PLOD1: variants seen among roughly 807,000 people sequenced by gnomAD.
PLOD1 encodes procollagen-lysine,2-oxoglutarate 5-dioxygenase 1, also known as lysine hydroxylase.
PLOD1 carries 70 observed loss-of-function variants against 94.7 expected under a neutral mutation model. The ratio of observed to expected loss-of-function variants is 0.74; its 90% CI spans 0.61 to 0.90. The LOEUF (loss-of-function observed/expected upper bound fraction) is 0.90, where lower values mean the gene tolerates loss of function less well. Among genes scored for constraint, PLOD1 ranks in the 40% least tolerant of loss-of-function variants. PLOD1 has a pLI of 0.00. For synonymous variants in PLOD1, 417 were observed against 400.2 expected, an observed-to-expected ratio of 1.04 and a Z score of -0.50; for missense variants, 905 against 972.7, an observed-to-expected ratio of 0.93 and a Z score of 0.93.
intron 5 of PLOD1, 150 bp downstream of exon 5, chr1:11,952,885 C>T: frequency 1.6e-6 from 1 of 621,050 alleles, no homozygotes; most frequent in Admixed American, 2.4e-5. Flanking sequence ...GGGTGGCTCC[C>T]AAACAACGGA....
At chr1:11,951,176 G>A (rs533516656) in intron 4 of PLOD1, among the ~76,000 whole-genome samples, 86 of 152,280 alleles carry the variant, frequency 5.6e-4, no homozygotes, top group Admixed American at 2.5e-3. Context: ...CTGGGCTCCT[G>A]GCCGTTGGTA....
At position 11,963,214 on chromosome 1, in the gene PLOD1, C is replaced by T. The variant is rs1645791148; in HGVS notation, c.1098-318C>T. On this transcript the variant is annotated intron_variant, in intron 10 of 18. Coordinates refer to ENST00000196061, the MANE Select transcript of PLOD1 (RefSeq NM_000302.4). The surrounding 1 kb of genome is among the most constrained non-coding windows in gnomAD (Gnocchi z 4.3). ...TTTTTAAGGCTTTTGGTACAAGTTA[C>T]CAAATTGCATTTCAGAAAGGCAGCC... Among the ~76,000 whole-genome samples the T allele has an allele frequency of 6.6e-6, 1 of 152,176 alleles. No individual in the cohort carries two copies. Among genetic ancestry groups the T allele is most frequent in the Non-Finnish European group, 1.5e-5 (1 of 68,030 alleles).
rs1262109493 is a variant in PLOD1, at chr1:11,970,711, T to G, written c.1797T>G (p.Ile599Met). ...GTGGCTACGAGAACGTGCCGACTATTGACATCCACATGAACCAGATCGGCT... is the reference window on the plus strand; with the variant it reads ...GTGGCTACGAGAACGTGCCGACTATGGACATCCACATGAACCAGATCGGCT... ...IQGGYENVPT[I>M]DIHMNQIGFE... Residue 599 changes from isoleucine to methionine, a missense_variant, in exon 17 of 19, where the codon ATT (isoleucine) becomes ATG (methionine). Coordinates refer to ENST00000196061, the MANE Select transcript of PLOD1 (RefSeq NM_000302.4). 3.7e-6 allele frequency: 6 copies of G among 1,613,034 alleles called. No individual in the cohort carries two copies. The highest frequency in any genetic ancestry group is 5.1e-6 in the Non-Finnish European group (6 of 1,179,882).
At chr1:11,938,593 G>A (rs1050911908) in intron 1 of PLOD1, among the ~76,000 whole-genome samples, 3 of 152,156 alleles carry the variant, frequency 2.0e-5, no homozygotes, top group African/African-American at 4.8e-5. Flanking sequence ...GGGTACCCCA[G>A]CAGCCCCCAA....
chr1:11,974,191 T>TA (rs1176192330), intron 18 of PLOD1, among the ~76,000 whole-genome samples: 2 of 151,422 alleles, frequency 1.3e-5, no homozygotes, highest in African/African-American at 4.9e-5. Flanking sequence ...CTTGATCACT[T>TA]ACTCTTTGGG....
rs773540306 is a variant in PLOD1 at position 11,949,824 on chromosome 1, G to A, written c.220G>A (p.Gly74Arg). ...TGTGGAGAAGGGGACGTCGGCAGGT[G>A]GAGGGCAGAAGGTCCGGCTGCTGAA... Reference protein sequence around the residue: ...WNVEKGTSAGGGQKVRLLKKA... With the variant: ...WNVEKGTSAGRGQKVRLLKKA... Residue 74 changes from glycine (G) to arginine (R), a missense_variant, in exon 3 of 19, where the codon GGA becomes AGA. Gly to Arg is a moderately radical substitution (Grantham distance 125). Coordinates refer to ENST00000196061, the MANE Select transcript of PLOD1 (RefSeq NM_000302.4). The A allele has an allele frequency of 6.2e-7, 1 of 1,614,016 alleles. No homozygotes were observed. Among genetic ancestry groups the A allele is most frequent in the South Asian group, 1.1e-5 (1 of 91,082 alleles).
In PLOD1 at chr1:11,963,614, C is replaced by A; in HGVS notation, c.1180C>A (p.Arg394=). Reference sequence around the variant, plus strand: ...GGCCCTGACCGAGCCCAACAGCCTGCGGCTGCTGATCCAACAGAACAAGTG... The same window carrying A: ...GGCCCTGACCGAGCCCAACAGCCTGAGGCTGCTGATCCAACAGAACAAGTG... ...DVALTEPNSL[R]LLIQQNKNVI... Residue 394 remains arginine (R), a synonymous_variant, in exon 11 of 19, where the codon CGG becomes AGG. Transcript: ENST00000196061. This position sits in a 1 kb window ranked among gnomAD's most constrained non-coding sequence, Gnocchi z 4.3. 1 of 1,597,032 alleles carries A rather than the reference C, an allele frequency of 6.3e-7. No homozygotes were observed. Among genetic ancestry groups the A allele is most frequent in the Non-Finnish European group, 8.5e-7 (1 of 1,172,116 alleles).
chr1:11,974,223 C>CT (rs1296580285), intron 18 of PLOD1, among the ~76,000 whole-genome samples: 1 of 149,796 alleles, frequency 6.7e-6, no homozygotes, highest in Non-Finnish European at 1.5e-5. Context: ...TTGAGACAGT[C>CT]TCATTCTGTT....
chr1:11,954,536 C>T (rs925694396), intron 5 of PLOD1: 1 of 679,632 alleles, frequency 1.5e-6, no homozygotes, highest in Non-Finnish European at 2.8e-6. Context: ...GAGTGCTTGG[C>T]AGGTGCTGGT....
intron 12 of PLOD1, 23 bp downstream of exon 12, chr1:11,964,323 T>TGGTGGGGGGGGGG: frequency 3.6e-6 from 1 of 274,726 alleles, no homozygotes; most frequent in Non-Finnish European, 7.3e-6. Flanking sequence ...AGGGTGGGGG[T>TGGTGGGGGGGGGG]GGGTGGGGGA....
At position 11,974,758 on chromosome 1, in the gene PLOD1, C is replaced by T; in HGVS notation, c.2134C>T (p.Pro712Ser). The T allele has an allele frequency of 6.2e-7, 1 of 1,614,124 alleles. No homozygotes were observed. The highest frequency in any genetic ancestry group is 8.5e-7 in the Non-Finnish European group (1 of 1,180,004). ...GRLTHYHEGL[P>S]TTRGTRYIAV... ...ACTCACGCATTACCATGAGGGGCTC[C>T]CCACCACCAGGGGCACCCGCTACAT... The change falls in exon 19 of 19, where the codon CCC becomes TCC. Residue 712 changes from proline to serine, a missense_variant. Coordinates refer to ENST00000196061, the MANE Select transcript of PLOD1 (RefSeq NM_000302.4).
intron 1 of PLOD1, among the ~76,000 whole-genome samples, chr1:11,942,955 C>T (rs958712673): frequency 6.6e-6 from 1 of 151,782 alleles, no homozygotes; most frequent in Non-Finnish European, 1.5e-5. Flanking sequence ...CCCAAGGAAC[C>T]CGGGAGTTTT....
chr1:11,936,478 G>A (rs548221222), intron 1 of PLOD1, among the ~76,000 whole-genome samples: 9 of 151,588 alleles, frequency 5.9e-5, no homozygotes, highest in African/African-American at 2.2e-4. Flanking sequence ...GAAGGATCCC[G>A]GGTTCTTTGG....
At chr1:11,937,757 C>T (rs1419552302) in intron 1 of PLOD1, among the ~76,000 whole-genome samples, 1 of 152,092 alleles carries the variant, frequency 6.6e-6, no homozygotes, top group Non-Finnish European at 1.5e-5. Flanking sequence ...AGGACAGGAT[C>T]AGTGTGCTAC....
rs531153063 is a variant in PLOD1 at position 11,941,467 on chromosome 1, G to GATTATTATTTATTATT, written c.77-6500_77-6499insTATTATTATTATTATT. Among the ~76,000 whole-genome samples, 49 of 141,900 alleles carry GATTATTATTTATTATT rather than the reference G, an allele frequency of 3.5e-4. 1 individual carries two copies. Among genetic ancestry groups the GATTATTATTTATTATT allele is most frequent in the African/African-American group, 1.4e-3 (48 of 33,632 alleles). The allele number at this position is 141,900 out of a possible 152,430, so 93.1% of individuals were successfully genotyped here. A position where few individuals can be genotyped will look rare whatever the true frequency, so the allele number is the denominator to read the frequency against. On this transcript the variant is annotated intron_variant, in intron 1 of 18. Transcript: ENST00000196061. ...CTGCCTTAGTCTCCTAAGTAGCTGG[G>GATTATTATTTATTATT]ATTATTATTATTATTATTATTATTA...
At chr1:11,937,246 CT>C (rs1036056759) in intron 1 of PLOD1, among the ~76,000 whole-genome samples, 13 of 152,188 alleles carry the variant, frequency 8.5e-5, no homozygotes, top group African/African-American at 3.1e-4. Context: ...CTCTGTGAGG[CT>C]TGGTGTTCTA....
rs1298617380 is a variant in PLOD1, at chr1:11,974,629, C to A, written c.2029-24C>A. The A allele has an allele frequency of 2.5e-6, 4 of 1,607,986 alleles. No individual in the cohort carries two copies. In the South Asian group the frequency reaches 3.3e-5, roughly 13 times the overall value. On this transcript the variant is annotated intron_variant, in intron 18 of 18. Coordinates refer to ENST00000196061, the MANE Select transcript of PLOD1 (RefSeq NM_000302.4). ...CGGGCAGGGGGGCGGTGGGGAAAGG[C>A]CACTGATGCTTTCTGTCTCCCAGGG...
At chr1:11,973,069 G>A in intron 18 of PLOD1, 72 bp downstream of exon 18, 1 of 1,584,298 alleles carries the variant, frequency 6.3e-7, no homozygotes, top group Non-Finnish European at 8.6e-7. Context: ...AGAGGCTTCA[G>A]GGTGGTTGAG....
Position 11,940,434 on chromosome 1 carries a change from C to T in PLOD1, c.76+5579C>T, listed in dbSNP as rs957964657. 7.9e-5 allele frequency among the ~76,000 whole-genome samples: 12 copies of T among 152,196 alleles called. No individual in the cohort carries two copies. In the South Asian group the frequency reaches 8.3e-4, roughly 10 times the overall value. ...AGGCACCCTGTCGCCAGAACCCCCC[C>T]GCAGCTACCAAGGCAGGCACTGTGC... On this transcript the variant is annotated intron_variant, in intron 1 of 18. Coordinates refer to ENST00000196061, the MANE Select transcript of PLOD1 (RefSeq NM_000302.4).
Sources: allele counts gnomAD v4.1 joint callset (sites outside exome capture counted in the v4.1 genomes callset), GRCh38; gene constraint gnomAD v4.1.1; non-coding constraint Gnocchi (gnomAD v3.1); transcripts MANE v1.5; gene names NCBI Gene and HGNC (gene_info 2026-07-23, HGNC 2026-07-21).